Variants in KALRN observed in about 807,000 individuals in gnomAD.
KALRN encodes kalirin RhoGEF kinase.
In KALRN, 70 loss-of-function variants were observed where a neutral mutation model predicts 353.7. The ratio of observed to expected loss-of-function variants is 0.20; its 90% CI spans 0.16 to 0.24. KALRN has a LOEUF of 0.24. Among genes scored for constraint, KALRN ranks in the 10% least tolerant of loss-of-function variants. The pLI is 1.00. For missense variants in KALRN, 2,791 were observed against 3,756.7 expected (o/e 0.74, Z 6.72); for synonymous variants, 1,391 against 1,434.8 (o/e 0.97, Z 0.69).
intron 10 of KALRN, among the ~76,000 whole-genome samples, chr3:124,372,613 TTA>T (rs140162358): frequency 0.49 from 56,121 of 114,862 alleles, 11,458 homozygotes; most frequent in East Asian, 0.77. Context: ...TTTTTATTAT[TTA>T]TTTTTTTATT....
intron 25 of KALRN, 152 bp from the exon 26 acceptor site, chr3:124,474,511 C>T: frequency 1.6e-6 from 1 of 629,438 alleles, no homozygotes; most frequent in Non-Finnish European, 2.8e-6. Flanking sequence ...TTAGTTCCGA[C>T]ATTAAAAACT....
intron 20 of KALRN, among the ~76,000 whole-genome samples, 200 bp from the exon 21 acceptor site, chr3:124,446,563 A>C (rs112211491): frequency 0.016 from 2,429 of 151,958 alleles, 55 homozygotes; most frequent in African/African-American, 0.054. Context: ...ACTGGGGGAG[A>C]CCCTCTCTTT....
intron 1 of KALRN, among the ~76,000 whole-genome samples, chr3:124,227,663 GTTTTTTTTTTTTTTT>G (rs747087120): frequency 2.2e-4 from 15 of 69,260 alleles, no homozygotes; most frequent in East Asian, 8.5e-4. Context: ...CAACAGGGCT[GTTTTTTTTTTTTTTT>G]TTTTTTTTTT....
At chr3:124,172,998 A>G (rs1350876108) in intron 1 of KALRN, among the ~76,000 whole-genome samples, 2 of 152,178 alleles carry the variant, frequency 1.3e-5, no homozygotes, top group African/African-American at 4.8e-5. Context: ...CATTCTAGCC[A>G]GGAAATTAGG....
At chr3:124,572,126 C>A (rs569856571) in intron 34 of KALRN, among the ~76,000 whole-genome samples, 4 of 151,190 alleles carry the variant, frequency 2.6e-5, no homozygotes, top group Admixed American at 1.3e-4. Context: ...AGTTCTAGAC[C>A]AGACTGGGCA....
intron 26 of KALRN, among the ~76,000 whole-genome samples, chr3:124,475,673 C>T (rs569955782): frequency 2.6e-4 from 39 of 152,292 alleles, no homozygotes; most frequent in African/African-American, 9.4e-4. Context: ...AGATTTTAAA[C>T]ATGGGAAAAT....
intron 33 of KALRN, among the ~76,000 whole-genome samples, chr3:124,506,416 T>G (rs1250368217): frequency 6.6e-6 from 1 of 152,264 alleles, no homozygotes; most frequent in Non-Finnish European, 1.5e-5. Context: ...CTCCCATTTG[T>G]AGGAACTTAA....
intron 6 of KALRN, among the ~76,000 whole-genome samples, chr3:124,314,619 C>T (rs979140666): frequency 6.6e-6 from 1 of 152,148 alleles, no homozygotes; most frequent in Non-Finnish European, 1.5e-5. Flanking sequence ...CCTTAGATTT[C>T]TTCCACTCAT....
At chr3:124,374,373 G>A (rs78790512) in intron 10 of KALRN, 17,712 of 152,402 alleles carry the variant, frequency 0.12, 1,273 homozygotes, top group Non-Finnish European at 0.16. Flanking sequence ...AAGGGAGCAG[G>A]AGCATCGTCT....
In KALRN at chr3:124,655,677, G is replaced by A; in HGVS notation, c.5862+10G>A. 6.2e-7 allele frequency: 1 copy of A among 1,612,582 alleles called. No homozygotes were observed. Among genetic ancestry groups the A allele is most frequent in the Non-Finnish European group, 8.5e-7 (1 of 1,178,550 alleles). ...GGGCATTGTGGTGGAGGTAAGTAGA[G>A]GGTTCCAGGTGGGTCTGTGGTCACC... On this transcript the variant is annotated intron_variant, in intron 39 of 59. Transcript: ENST00000682506.
intron 32 of KALRN, among the ~76,000 whole-genome samples, chr3:124,495,991 A>ACG (rs2063757577): frequency 1.6e-5 from 1 of 60,740 alleles, no homozygotes; most frequent in Non-Finnish European, 2.8e-5. Flanking sequence ...ATATATATAT[A>ACG]TATATATATA....
chr3:124,718,442 A>G (rs1033150183), intron 59 of KALRN, among the ~76,000 whole-genome samples: 2 of 152,130 alleles, frequency 1.3e-5, no homozygotes, highest in Non-Finnish European at 2.9e-5. Flanking sequence ...ACTATTAAAG[A>G]GAATCTGGGC....
At chr3:124,490,292 C>T (rs1561114977) in intron 29 of KALRN, among the ~76,000 whole-genome samples, 1 of 152,146 alleles carries the variant, frequency 6.6e-6, no homozygotes, top group Non-Finnish European at 1.5e-5. Context: ...GCTGAAGACA[C>T]TCAGTCAGGC....
intron 1 of KALRN, among the ~76,000 whole-genome samples, chr3:124,189,255 G>A (rs542476713): frequency 3.0e-4 from 45 of 152,324 alleles, no homozygotes; most frequent in African/African-American, 1.0e-3. Context: ...TGTACCACAT[G>A]TTCCAGGGAA....
intron 1 of KALRN, among the ~76,000 whole-genome samples, chr3:124,201,903 T>C (rs2075977538): frequency 6.6e-6 from 1 of 152,258 alleles, no homozygotes; most frequent in South Asian, 2.1e-4. Context: ...CTTGGAGCCC[T>C]GACCAGCAGC....
chr3:124,305,698 G>T (rs2077631716), intron 6 of KALRN, among the ~76,000 whole-genome samples: 1 of 89,192 alleles, frequency 1.1e-5, no homozygotes, highest in South Asian at 5.7e-4. Flanking sequence ...CTGTGGGGGA[G>T]TGGGAATATT....
intron 33 of KALRN, among the ~76,000 whole-genome samples, chr3:124,510,196 G>T (rs937025936): frequency 1.3e-5 from 2 of 152,206 alleles, no homozygotes; most frequent in Non-Finnish European, 1.5e-5. Flanking sequence ...GAAAACTAAA[G>T]CTTCCAGTTT....
At chr3:124,114,815 C>T (rs2063318975) in intron 1 of KALRN, among the ~76,000 whole-genome samples, 1 of 152,200 alleles carries the variant, frequency 6.6e-6, no homozygotes, top group Non-Finnish European at 1.5e-5. Context: ...TTTGGATTGC[C>T]TCTGTTAATG....
chr3:124,168,610 C>G (rs1303829343), intron 1 of KALRN, among the ~76,000 whole-genome samples: 2 of 152,188 alleles, frequency 1.3e-5, no homozygotes, highest in Non-Finnish European at 2.9e-5. Flanking sequence ...CTTTCTTTCC[C>G]AAATGAAGCT....
Sources: allele counts gnomAD v4.1 joint callset (sites outside exome capture counted in the v4.1 genomes callset), GRCh38; gene constraint gnomAD v4.1.1; transcripts MANE v1.5; gene names NCBI Gene and HGNC (gene_info 2026-07-23, HGNC 2026-07-21).